Variants in SDK1 observed in about 807,000 individuals in gnomAD.
SDK1 encodes protein sidekick-1.
Under a neutral mutation model 245.5 loss-of-function variants are expected in SDK1, and 157 were observed. The observed-to-expected ratio is 0.64, with a 90% CI of 0.56 to 0.73. The LOEUF (loss-of-function observed/expected upper bound fraction) is 0.73, where lower values mean the gene tolerates loss of function less well. Ranked by LOEUF, SDK1 falls within the 30% of genes least tolerant of loss-of-function variation. The pLI, the probability that SDK1 is intolerant of heterozygous loss-of-function variation, is 0.00. For missense variants in SDK1, 3,583 were observed against 3,002.3 expected, an observed-to-expected ratio of 1.19 and a Z score of -4.52; for synonymous variants, 1,647 against 1,278.5, an observed-to-expected ratio of 1.29 and a Z score of -6.15.
chr7:3,614,201 A>G lies in SDK1; in HGVS notation c.299-4879A>G, dbSNP rs11976779. Among the ~76,000 whole-genome samples, 924 of 152,266 alleles carry G rather than the reference A, an allele frequency of 6.1e-3. 11 individuals are homozygous for G. Among genetic ancestry groups the G allele is most frequent in the African/African-American group, 0.02 (840 of 41,538 alleles). ...TCCTTTGGGCAGACCTTAAACCTAT[A>G]TTATCCACACAGATGAGACTCTCTC... On this transcript the variant is annotated intron_variant, in intron 1 of 44. Transcript: ENST00000404826.
chr7:3,456,417 C>G (rs933370911), intron 1 of SDK1, among the ~76,000 whole-genome samples: 8 of 152,134 alleles, frequency 5.3e-5, no homozygotes, highest in African/African-American at 1.9e-4. Context: ...AGTCTGTTTT[C>G]TCTCTGTTGT....
intron 1 of SDK1, among the ~76,000 whole-genome samples, chr7:3,315,023 T>C (rs1779632307): frequency 6.6e-6 from 1 of 152,182 alleles, no homozygotes; most frequent in Admixed American, 6.5e-5. Flanking sequence ...CTGGGTTGGC[T>C]AGAGTCCTCC....
chr7:3,595,952 A>ATT (rs199756528), intron 1 of SDK1, among the ~76,000 whole-genome samples: 1 of 100,412 alleles, frequency 1.0e-5, no homozygotes. Flanking sequence ...TCTAATGGGT[A>ATT]TTTTTTTTTT....
At chr7:3,612,044 C>T (rs558409479) in intron 1 of SDK1, among the ~76,000 whole-genome samples, 1 of 152,192 alleles carries the variant, frequency 6.6e-6, no homozygotes, top group East Asian at 1.9e-4. Context: ...GGGAGCTAAG[C>T]TGTGAGGATG....
At chr7:3,696,203 T>C (rs573536381) in intron 4 of SDK1, among the ~76,000 whole-genome samples, 2 of 152,238 alleles carry the variant, frequency 1.3e-5, no homozygotes, top group South Asian at 4.1e-4. Context: ...CTCTCTCCAC[T>C]GTGAGACTCC....
intron 1 of SDK1, among the ~76,000 whole-genome samples, chr7:3,377,180 A>C (rs1436356425): frequency 1.3e-5 from 2 of 152,128 alleles, no homozygotes; most frequent in Non-Finnish European, 2.9e-5. Context: ...GAGTTTTAAA[A>C]ACTTGCCTTA....
intron 1 of SDK1, among the ~76,000 whole-genome samples, chr7:3,600,724 AT>A (rs1387322578): frequency 6.6e-6 from 1 of 151,456 alleles, no homozygotes; most frequent in African/African-American, 2.4e-5. Flanking sequence ...AATTTTTTGT[AT>A]TTTTAGTAGA....
At chr7:4,101,668 C>T (rs949725893) in intron 22 of SDK1, among the ~76,000 whole-genome samples, 9 of 152,246 alleles carry the variant, frequency 5.9e-5, no homozygotes, top group East Asian at 5.8e-4. Context: ...CTTCCACAGG[C>T]GGAGCCCGTC....
chr7:4,155,268 G>C (rs1331794707), intron 30 of SDK1, among the ~76,000 whole-genome samples: 2 of 151,764 alleles, frequency 1.3e-5, no homozygotes, highest in African/African-American at 4.8e-5. Flanking sequence ...GCAGCTCACA[G>C]AGACACTTAA....
intron 1 of SDK1, among the ~76,000 whole-genome samples, chr7:3,513,022 G>T (rs551805281): frequency 6.6e-6 from 1 of 152,234 alleles, no homozygotes; most frequent in East Asian, 1.9e-4. Flanking sequence ...TTTTCTTAGA[G>T]CATATCCTAG....
intron 4 of SDK1, among the ~76,000 whole-genome samples, chr7:3,775,759 G>GCTAA (rs1780538494): frequency 6.6e-6 from 1 of 151,780 alleles, no homozygotes; most frequent in Non-Finnish European, 1.5e-5. Flanking sequence ...TGTATTTTTA[G>GCTAA]TAGAGACGGG....
At chr7:3,542,436 T>A (rs1779079516) in intron 1 of SDK1, among the ~76,000 whole-genome samples, 1 of 152,154 alleles carries the variant, frequency 6.6e-6, no homozygotes, top group Non-Finnish European at 1.5e-5. Flanking sequence ...TCTCCCAGGC[T>A]CCTGGGCTGG....
At chr7:3,693,575 C>G (rs946634140) in intron 4 of SDK1, among the ~76,000 whole-genome samples, 6 of 151,928 alleles carry the variant, frequency 3.9e-5, no homozygotes, top group African/African-American at 1.5e-4. Flanking sequence ...TTCATAGATG[C>G]CATGTTTTTT....
chr7:3,372,056 A>G (rs899933074), intron 1 of SDK1, among the ~76,000 whole-genome samples: 6 of 152,236 alleles, frequency 3.9e-5, no homozygotes, highest in Non-Finnish European at 5.9e-5. Context: ...GTTAACATAC[A>G]GTTTACAGGC....
chr7:3,845,936 A>C (rs1562486083), intron 5 of SDK1, among the ~76,000 whole-genome samples: 1 of 152,224 alleles, frequency 6.6e-6, no homozygotes, highest in Admixed American at 6.5e-5. Context: ...CTGCTCTGCT[A>C]CCTACAACTT....
At chr7:3,857,392 C>T (rs1406263019) in intron 5 of SDK1, among the ~76,000 whole-genome samples, 1 of 152,086 alleles carries the variant, frequency 6.6e-6, no homozygotes, top group Non-Finnish European at 1.5e-5. Flanking sequence ...GCGTAGAAAA[C>T]CTAAGACAGG....
chr7:3,844,487 G>T (rs1780229393), intron 5 of SDK1, among the ~76,000 whole-genome samples: 3 of 152,284 alleles, frequency 2.0e-5, no homozygotes, highest in South Asian at 4.1e-4. Context: ...TGCTAGCCTG[G>T]CTCCCAGGGA....
intron 5 of SDK1, among the ~76,000 whole-genome samples, chr7:3,890,706 C>T (rs1364121799): frequency 6.6e-6 from 1 of 150,602 alleles, no homozygotes; most frequent in African/African-American, 2.4e-5. Flanking sequence ...CTTTGGGAGG[C>T]TGAGGCAGTC....
chr7:3,983,940 G>A (rs1483711597), intron 13 of SDK1, among the ~76,000 whole-genome samples: 4 of 152,152 alleles, frequency 2.6e-5, no homozygotes, highest in Non-Finnish European at 5.9e-5. Flanking sequence ...TCAGGTCCTC[G>A]GGCACTGCCA....
Sources: gnomAD v4.1 joint callset for allele counts (sites outside exome capture counted in the v4.1 genomes callset) on GRCh38, gnomAD v4.1.1 for gene constraint, MANE v1.5 for transcripts, NCBI Gene and HGNC (gene_info 2026-07-23, HGNC 2026-07-21) for gene names.